Variants in SVIL observed in about 807,000 individuals in gnomAD.
SVIL encodes supervillin, also known as archvillin.
A neutral mutation model predicts 240.4 loss-of-function variants in SVIL; 101 were observed. That is an observed-to-expected ratio of 0.42 (90% CI 0.36 to 0.50). SVIL has a LOEUF of 0.50. SVIL is among the 20% of genes least tolerant of loss of function. The probability of loss-of-function intolerance (pLI) is 0.01; values close to 1 mark genes in which losing one functional copy is unlikely to be tolerated. For missense variants in SVIL, 2,512 were observed against 2,818.7 expected, an observed-to-expected ratio of 0.89 and a Z score of 2.46; for synonymous variants, 999 against 1,100.0, an observed-to-expected ratio of 0.91 and a Z score of 1.82.
intron 1 of SVIL, among the ~76,000 whole-genome samples, chr10:29,618,723 T>C (rs1589398164): frequency 8.5e-6 from 1 of 117,684 alleles, no homozygotes; most frequent in South Asian, 2.7e-4. Flanking sequence ...TTGCAGCAGA[T>C]TTTTTTTTTT....
intron 1 of SVIL, among the ~76,000 whole-genome samples, chr10:29,596,249 T>C (rs892443848): frequency 6.6e-6 from 1 of 152,112 alleles, no homozygotes; most frequent in African/African-American, 2.4e-5. Flanking sequence ...GGTGGGAGGA[T>C]TGCTTGAGGC....
chr10:29,712,895 G>A (rs1449314341), intron 1 of SVIL, among the ~76,000 whole-genome samples: 1 of 152,098 alleles, frequency 6.6e-6, no homozygotes, highest in African/African-American at 2.4e-5. Flanking sequence ...GCAATGGTAG[G>A]GCTGGGCACG....
chr10:29,548,067 C>T (rs888104233), intron 6 of SVIL, among the ~76,000 whole-genome samples: 3 of 152,178 alleles, frequency 2.0e-5, no homozygotes, highest in African/African-American at 2.4e-5. Context: ...AAAAGGTGCT[C>T]AAAATGGATC....
chr10:29,460,118 T>C (rs1432219039), intron 36 of SVIL, among the ~76,000 whole-genome samples: 1 of 152,118 alleles, frequency 6.6e-6, no homozygotes, highest in East Asian at 1.9e-4. Flanking sequence ...GAATTTTGGA[T>C]GATCTTGCCT....
chr10:29,515,155 G>A (rs1950124759), intron 16 of SVIL, among the ~76,000 whole-genome samples: 1 of 152,158 alleles, frequency 6.6e-6, no homozygotes, highest in African/African-American at 2.4e-5. Flanking sequence ...CTAGAACTGG[G>A]GTAAGGCTGC....
At chr10:29,661,290 C>T (rs922562208) in intron 2 of SVIL, among the ~76,000 whole-genome samples, 1 of 151,850 alleles carries the variant, frequency 6.6e-6, no homozygotes, top group African/African-American at 2.4e-5. Context: ...GACAGGAAAA[C>T]CCCACCATCA....
rs568714730 is a variant in SVIL at position 29,481,506 on chromosome 10, T to C, written c.5100+78A>G. On this transcript the variant is annotated intron_variant, in intron 28 of 37. Transcript: ENST00000355867. ...TGACAGCCATACGAACTATCCTGATTTGATCATTTTACATGAAGGCCACTT... is the reference window on the plus strand; with the variant it reads ...TGACAGCCATACGAACTATCCTGATCTGATCATTTTACATGAAGGCCACTT... 4.4e-6 allele frequency: 7 copies of C among 1,577,114 alleles called. No individual in the cohort carries two copies. The South Asian group carries it at 8.0e-5, about 18-fold the overall frequency.
rs540604440 is a variant in SVIL, at chr10:29,722,201, T to C, written c.-400+13550A>G. On this transcript the variant is annotated intron_variant, in intron 1 of 35. Coordinates refer to the SVIL transcript ENST00000375400. ...TGCAGTGACTGCACTCCAGCCTGGG[T>C]GACAGAGTGAGACTCTGTCTTAAAA... 1.9e-4 allele frequency among the ~76,000 whole-genome samples: 26 copies of C among 139,890 alleles called. No individual in the cohort carries two copies. In the South Asian group the frequency reaches 3.3e-3, roughly 18 times the overall value. 91.8% of individuals were successfully genotyped at this position (139,890 alleles called of 152,430 possible).
intron 17 of SVIL, among the ~76,000 whole-genome samples, chr10:29,509,439 C>T (rs1949663740): frequency 6.6e-6 from 1 of 150,522 alleles, no homozygotes; most frequent in African/African-American, 2.4e-5. Context: ...AATTAGTGCT[C>T]TTAAGCTCTT....
At chr10:29,693,912 G>C (rs1245712530) in intron 1 of SVIL, among the ~76,000 whole-genome samples, 2 of 152,038 alleles carry the variant, frequency 1.3e-5, no homozygotes, top group African/African-American at 4.8e-5. Context: ...CTAAGACATA[G>C]TTATTGAGAT....
chr10:29,605,178 A>C (rs1307868633), intron 1 of SVIL, among the ~76,000 whole-genome samples: 1 of 152,184 alleles, frequency 6.6e-6, no homozygotes, highest in Non-Finnish European at 1.5e-5. Context: ...TCATTTTCTT[A>C]CAGGTGCATA....
chr10:29,474,003 A>G lies in SVIL; in HGVS notation c.5378-14T>C, dbSNP rs1250222472. The G allele has an allele frequency of 6.2e-7, 1 of 1,611,784 alleles. No individual in the cohort carries two copies. Among genetic ancestry groups the G allele is most frequent in the African/African-American group, 1.3e-5 (1 of 75,022 alleles). On this transcript the variant is annotated splice_polypyrimidine_tract_variant and intron_variant, in intron 29 of 37. Coordinates refer to ENST00000355867, the MANE Select transcript of SVIL (RefSeq NM_021738.3). Reference sequence around the variant, plus strand: ...GGCGACTTCCCACTGCAAACACAGAATGGCAGAGGGACAGGTCAGCAGCTG... The same window carrying G: ...GGCGACTTCCCACTGCAAACACAGAGTGGCAGAGGGACAGGTCAGCAGCTG...
At chr10:29,713,262 C>CTGTGTG (rs10647219) in intron 1 of SVIL, among the ~76,000 whole-genome samples, 1,547 of 148,554 alleles carry the variant, frequency 0.01, 21 homozygotes, top group African/African-American at 0.029. Context: ...GTACATGCCT[C>CTGTGTG]TGTGTGTGTG....
At chr10:29,591,051 C>G (rs573912122) in intron 1 of SVIL, among the ~76,000 whole-genome samples, 100 of 152,362 alleles carry the variant, frequency 6.6e-4, no homozygotes, top group Non-Finnish European at 1.2e-3. Flanking sequence ...CCCAAGAGGC[C>G]AAGCCCGGTT....
At chr10:29,554,736 C>T (rs1177163473) in intron 5 of SVIL, 47 bp downstream of exon 5, 1 of 1,480,582 alleles carries the variant, frequency 6.8e-7, no homozygotes, top group South Asian at 1.4e-5. Flanking sequence ...AACTCGTAAC[C>T]AGCCAGGCAG....
intron 3 of SVIL, among the ~76,000 whole-genome samples, chr10:29,642,443 GA>G (rs1958517961): frequency 8.0e-6 from 1 of 124,960 alleles, no homozygotes; most frequent in Non-Finnish European, 1.6e-5. Flanking sequence ...AAGAAAGAAA[GA>G]AAGAAAGAAA....
intron 16 of SVIL, among the ~76,000 whole-genome samples, chr10:29,516,368 A>G (rs929529481): frequency 1.3e-5 from 2 of 152,178 alleles, no homozygotes; most frequent in African/African-American, 4.8e-5. Context: ...GCACATGACG[A>G]ATAACTTGAA....
At chr10:29,711,206 C>T (rs972773990) in intron 1 of SVIL, among the ~76,000 whole-genome samples, 3 of 152,054 alleles carry the variant, frequency 2.0e-5, no homozygotes, top group South Asian at 2.1e-4. Context: ...TCGAGACAAG[C>T]CTGGACAACA....
In SVIL at chr10:29,524,679, C is replaced by A; in HGVS notation, c.2379G>T (p.Lys793Asn). The change falls in exon 14 of 38, where the codon AAG (lysine) becomes AAT (asparagine). Residue 793 changes from lysine to asparagine, a missense_variant. Physicochemically the swap from Lys to Asn is moderately conservative, Grantham distance 94. Coordinates refer to ENST00000355867, the MANE Select transcript of SVIL (RefSeq NM_021738.3). ...QASAHQKALA[K>N]DQTNEGKELA... is the part of the protein sequence containing the mutation. Reference sequence around the variant, plus strand: ...GCTCTTTGCCCTCATTTGTCTGGTCCTTGGCTAAGGCCTTTTGGTGAGCAG... The same window carrying A: ...GCTCTTTGCCCTCATTTGTCTGGTCATTGGCTAAGGCCTTTTGGTGAGCAG... 6.2e-7 allele frequency: 1 copy of A among 1,614,112 alleles called. No homozygotes were observed.
Sources: gnomAD v4.1 joint callset for allele counts (sites outside exome capture counted in the v4.1 genomes callset) on GRCh38, gnomAD v4.1.1 for gene constraint, MANE v1.5 for transcripts, NCBI Gene and HGNC (gene_info 2026-07-23, HGNC 2026-07-21) for gene names.